Variants in KCNK2 observed in about 807,000 individuals in gnomAD.
KCNK2 encodes potassium two pore domain channel subfamily K member 2.
In KCNK2, 21 loss-of-function variants were observed where a neutral mutation model predicts 40.5. The ratio of observed to expected loss-of-function variants is 0.52; its 90% CI spans 0.37 to 0.75. The LOEUF (loss-of-function observed/expected upper bound fraction) is 0.75, where lower values mean the gene tolerates loss of function less well. Among genes scored for constraint, KCNK2 ranks in the 30% least tolerant of loss-of-function variants. KCNK2 has a pLI of 0.00. For missense variants in KCNK2, 399 were observed against 531.6 expected (o/e 0.75, Z 2.45); for synonymous variants, 191 against 202.2 (o/e 0.94, Z 0.47).
chr1:215,046,702 CAG>C (rs1571868098), intron 1 of KCNK2, among the ~76,000 whole-genome samples: 1 of 151,916 alleles, frequency 6.6e-6, no homozygotes, highest in Non-Finnish European at 1.5e-5. Flanking sequence ...TTTAGAAAAA[CAG>C]AAATAACATG....
chr1:215,162,927 A>G (rs1327016577), intron 3 of KCNK2, among the ~76,000 whole-genome samples: 1 of 151,060 alleles, frequency 6.6e-6, no homozygotes, highest in African/African-American at 2.4e-5. Context: ...TTTTGGTTTC[A>G]TATGAAATTT....
chr1:215,069,317 G>A (rs1658668346), intron 1 of KCNK2, among the ~76,000 whole-genome samples: 1 of 152,182 alleles, frequency 6.6e-6, no homozygotes, highest in Non-Finnish European at 1.5e-5. Context: ...GGAAGGAGCT[G>A]CCTAAGTTGG....
At chr1:215,020,870 ACT>A (rs1220024206) in intron 1 of KCNK2, among the ~76,000 whole-genome samples, 1 of 152,096 alleles carries the variant, frequency 6.6e-6, no homozygotes. Context: ...GGGATTAAAG[ACT>A]CTCCAAGTAA....
chr1:215,218,420 C>A (rs775377364), intron 6 of KCNK2, among the ~76,000 whole-genome samples: 3 of 152,138 alleles, frequency 2.0e-5, no homozygotes, highest in Non-Finnish European at 4.4e-5. Context: ...TATCGCTACC[C>A]GACTATGTCC....
At chr1:215,043,442 T>C (rs1023495748) in intron 1 of KCNK2, among the ~76,000 whole-genome samples, 1 of 152,210 alleles carries the variant, frequency 6.6e-6, no homozygotes, top group Admixed American at 6.5e-5. Context: ...GGTATATGCA[T>C]ACAATGGAAT....
intron 2 of KCNK2, among the ~76,000 whole-genome samples, chr1:215,108,632 T>A (rs1243129759): frequency 6.6e-6 from 1 of 150,378 alleles, no homozygotes; most frequent in Non-Finnish European, 1.5e-5. Context: ...CTTCTAGAAG[T>A]TTTATAGTTT....
intron 1 of KCNK2, among the ~76,000 whole-genome samples, chr1:215,016,227 A>G (rs1372479128): frequency 6.6e-6 from 1 of 152,166 alleles, no homozygotes; most frequent in Non-Finnish European, 1.5e-5. Context: ...TAAAGAAACT[A>G]TTCAGAGCAT....
intron 3 of KCNK2, among the ~76,000 whole-genome samples, chr1:215,156,323 G>A (rs1425557917): frequency 2.6e-5 from 4 of 152,152 alleles, no homozygotes; most frequent in East Asian, 1.9e-4. Flanking sequence ...TCCCCTTGCC[G>A]CTTGCAGTGA....
rs192092549 is a variant in KCNK2, at chr1:215,067,094, T to C, written c.35-19274T>C. On this transcript the variant is annotated intron_variant, in intron 1 of 6. Transcript: ENST00000391895. ...GGGGTGGGCTGGGCTGAACTGGGAC[T>C]ATGGCTGTAACTGTTTTTCCTCAAA... Among the ~76,000 whole-genome samples the C allele has an allele frequency of 2.0e-5, 3 of 152,300 alleles. No individual in the cohort carries two copies. The East Asian group carries it at 5.8e-4, about 29-fold the overall frequency.
intron 6 of KCNK2, among the ~76,000 whole-genome samples, chr1:215,213,203 C>G (rs1665813565): frequency 1.3e-5 from 2 of 152,168 alleles, no homozygotes; most frequent in South Asian, 4.1e-4. Flanking sequence ...ACACTTCCTG[C>G]AGTTCTTTTT....
chr1:215,156,253 TGC>T (rs1662920313), intron 3 of KCNK2, among the ~76,000 whole-genome samples: 1 of 152,200 alleles, frequency 6.6e-6, no homozygotes, highest in Admixed American at 6.5e-5. Context: ...ATCATAAAAA[TGC>T]CTGTTCACTT....
chr1:215,078,021 G>T (rs1164418339), upstream of KCNK2, among the ~76,000 whole-genome samples: 1 of 152,180 alleles, frequency 6.6e-6, no homozygotes, highest in African/African-American at 2.4e-5. Context: ...CATTGCAAGG[G>T]TGTCCAGCCT....
chr1:215,196,046 C>T (rs1664849948), intron 6 of KCNK2, among the ~76,000 whole-genome samples: 1 of 151,534 alleles, frequency 6.6e-6, no homozygotes. Flanking sequence ...AAATTAACTT[C>T]CCTTTACAAA....
chr1:215,157,730 A>G (rs1033326315), intron 3 of KCNK2, among the ~76,000 whole-genome samples: 1 of 152,210 alleles, frequency 6.6e-6, no homozygotes, highest in Non-Finnish European at 1.5e-5. Flanking sequence ...GACAATTAAA[A>G]ATATTAATAT....
intron 1 of KCNK2, among the ~76,000 whole-genome samples, chr1:215,059,410 C>A (rs936108531): frequency 6.8e-6 from 1 of 147,472 alleles, no homozygotes; most frequent in African/African-American, 2.4e-5. Flanking sequence ...GTCTGAAAGC[C>A]TTCCGAGTGC....
chr1:215,024,812 C>T (rs563920656), intron 1 of KCNK2, among the ~76,000 whole-genome samples: 44 of 152,236 alleles, frequency 2.9e-4, no homozygotes, highest in African/African-American at 1.1e-3. Context: ...CCAATTGCCC[C>T]ACTCTTGTCT....
intron 6 of KCNK2, among the ~76,000 whole-genome samples, chr1:215,198,908 A>T (rs369296656): frequency 5.3e-5 from 8 of 152,310 alleles, no homozygotes; most frequent in South Asian, 2.1e-4. Context: ...TAATAACCCC[A>T]GTCTTATATT....
At chr1:215,208,474 CAA>C in intron 6 of KCNK2, among the ~76,000 whole-genome samples, 1 of 152,104 alleles carries the variant, frequency 6.6e-6, no homozygotes, top group East Asian at 1.9e-4. Context: ...ACTTATGTAA[CAA>C]ATCTTCACAT....
At chr1:215,187,111 A>G (rs1664470793) in intron 5 of KCNK2, among the ~76,000 whole-genome samples, 1 of 152,132 alleles carries the variant, frequency 6.6e-6, no homozygotes, top group African/African-American at 2.4e-5. Context: ...CTGGGACCAC[A>G]GGCACATGCC....
Sources: gnomAD v4.1 joint callset for allele counts (sites outside exome capture counted in the v4.1 genomes callset) on GRCh38, gnomAD v4.1.1 for gene constraint, MANE v1.5 for transcripts, NCBI Gene and HGNC (gene_info 2026-07-23, HGNC 2026-07-21) for gene names.